The following NEK3 variants were observed in gnomAD, a reference collection of about 807,000 sequenced individuals.
NEK3 encodes NIMA related kinase 3, also known as serine/threonine-protein kinase Nek3.
NEK3 carries 54 observed loss-of-function variants against 66.0 expected under a neutral mutation model. The observed-to-expected ratio is 0.82, with a 90% CI of 0.66 to 1.03. The LOEUF is 1.03. Ranked by LOEUF, NEK3 falls within the 50% of genes least tolerant of loss-of-function variation. The pLI, the probability that NEK3 is intolerant of heterozygous loss-of-function variation, is 0.00. For synonymous variants in NEK3, 200 were observed against 206.2 expected (o/e 0.97, Z 0.26); for missense variants, 593 against 603.0 (o/e 0.98, Z 0.17).
intron 8 of NEK3, among the ~76,000 whole-genome samples, chr13:52,146,018 A>T (rs1180747669): frequency 6.6e-6 from 1 of 152,200 alleles, no homozygotes; most frequent in Non-Finnish European, 1.5e-5. Context: ...GCTGATCTGC[A>T]TATTATGTTT....
chr13:52,149,580 A>T (rs2138205971), intron 7 of NEK3, among the ~76,000 whole-genome samples: 1 of 152,186 alleles, frequency 6.6e-6, no homozygotes, highest in South Asian at 2.1e-4. Context: ...TCCTGAAAAA[A>T]GGTTGCCCGC....
intron 1 of NEK3, among the ~76,000 whole-genome samples, chr13:52,158,224 G>C (rs781114789): frequency 1.3e-5 from 2 of 152,310 alleles, no homozygotes; most frequent in Non-Finnish European, 2.9e-5. Flanking sequence ...AAGGCAGAGA[G>C]AGCATGACAG....
chr13:52,158,546 A>T (rs528428075), intron 1 of NEK3, among the ~76,000 whole-genome samples: 3 of 152,256 alleles, frequency 2.0e-5, no homozygotes, highest in Admixed American at 2.0e-4. Context: ...TGCAATGGAG[A>T]GTAACTGAAA....
chr13:52,137,071 T>C (rs1476559413), intron 11 of NEK3, among the ~76,000 whole-genome samples, 169 bp from the exon 12 acceptor site: 1 of 152,144 alleles, frequency 6.6e-6, no homozygotes, highest in African/African-American at 2.4e-5. Flanking sequence ...TATATATCTA[T>C]ATGTATTTAA....
At chr13:52,153,035 G>C (rs747727093) in intron 4 of NEK3, among the ~76,000 whole-genome samples, 3 of 152,136 alleles carry the variant, frequency 2.0e-5, no homozygotes, top group African/African-American at 7.2e-5. Flanking sequence ...AGCTTTTCTA[G>C]TGTAATCATT....
intron 11 of NEK3, among the ~76,000 whole-genome samples, chr13:52,140,436 G>A (rs1252109779): frequency 5.3e-5 from 8 of 151,878 alleles, no homozygotes; most frequent in Non-Finnish European, 1.2e-4. Flanking sequence ...GTGAAACCCT[G>A]TCTCTACTAA....
chr13:52,147,384 C>T (rs1033939249), intron 8 of NEK3, among the ~76,000 whole-genome samples: 1 of 152,132 alleles, frequency 6.6e-6, no homozygotes, highest in Admixed American at 6.5e-5. Flanking sequence ...AAGTGTCCCT[C>T]AACAGATGAA....
intron 14 of NEK3, among the ~76,000 whole-genome samples, chr13:52,135,148 C>T (rs545020325): frequency 1.7e-4 from 26 of 152,032 alleles, no homozygotes; most frequent in Middle Eastern, 3.4e-3. Context: ...GCCTGGATTC[C>T]TAAGGAGAGT....
intron 8 of NEK3, among the ~76,000 whole-genome samples, chr13:52,147,890 GGA>G (rs1277456113): frequency 2.0e-5 from 3 of 152,154 alleles, no homozygotes; most frequent in Admixed American, 6.6e-5. Context: ...CAGCTACTTG[GGA>G]GGCTGAGGCA....
intron 11 of NEK3, among the ~76,000 whole-genome samples, chr13:52,140,049 C>CAAAAAAAAAAAAAAAAAAAAA (rs34051162): frequency 1.2e-5 from 1 of 86,668 alleles, no homozygotes. Flanking sequence ...AAAAAAATGC[C>CAAAAAAAAAAAAAAAAAAAAA]AAAAAAAAAA....
At chr13:52,149,037 G>A (rs951339034) in intron 7 of NEK3, among the ~76,000 whole-genome samples, 1 of 150,202 alleles carries the variant, frequency 6.7e-6, no homozygotes, top group African/African-American at 2.4e-5. Flanking sequence ...GACTACAGGC[G>A]CCCGCCACCA....
rs759980142 is a variant in NEK3, at chr13:52,136,170, C to G, written c.1120G>C (p.Ala374Pro). ...GTGAGTATGGATGCATTTTCCAAAG[C>G]TGTAAGAGCTGTATTGGGTACATTT... ...EKNVPNTALT[A>P]LENASILTSS... The change falls in exon 13 of 16, where the codon GCT becomes CCT. Residue 374 changes from alanine (A) to proline (P), a missense_variant. Ala to Pro is a conservative substitution (Grantham distance 27, BLOSUM62 -1). Coordinates refer to ENST00000610828, the MANE Select transcript of NEK3 (RefSeq NM_002498.3). 1.3e-5 allele frequency: 21 copies of G among 1,613,658 alleles called. No homozygotes were observed. The highest frequency in any genetic ancestry group is 1.7e-5 in the Non-Finnish European group (20 of 1,179,746).
chr13:52,151,693 T>C (rs1055171735), intron 5 of NEK3, among the ~76,000 whole-genome samples: 1 of 152,182 alleles, frequency 6.6e-6, no homozygotes, highest in African/African-American at 2.4e-5. Context: ...GTGTCAACCG[T>C]TTTCCATCTG....
intron 1 of NEK3, chr13:52,156,456 T>C (rs1956397258): frequency 6.7e-6 from 2 of 299,654 alleles, no homozygotes. Context: ...CTTTTTTGTA[T>C]AAATGCAGGG....
chr13:52,137,588 TA>T (rs1164314558), intron 11 of NEK3, among the ~76,000 whole-genome samples: 2 of 152,296 alleles, frequency 1.3e-5, no homozygotes, highest in African/African-American at 2.4e-5. Flanking sequence ...GTAGGGAACA[TA>T]AAAATCTGTC....
intron 14 of NEK3, among the ~76,000 whole-genome samples, chr13:52,134,507 A>C (rs1956186145): frequency 6.6e-6 from 1 of 152,188 alleles, no homozygotes; most frequent in African/African-American, 2.4e-5. Context: ...AAAAGTAGGG[A>C]ACTGAAGGAA....
intron 11 of NEK3, among the ~76,000 whole-genome samples, chr13:52,138,960 C>T (rs1956227048): frequency 6.6e-6 from 1 of 151,940 alleles, no homozygotes; most frequent in Non-Finnish European, 1.5e-5. Flanking sequence ...GAAAGGTTGA[C>T]TGAAATACTG....
At chr13:52,141,182 A>G in intron 10 of NEK3, 113 bp from the exon 11 acceptor site, 2 of 840,702 alleles carry the variant, frequency 2.4e-6, no homozygotes, top group Non-Finnish European at 3.6e-6. Flanking sequence ...ATTAAAGTCA[A>G]AGAGCCAAAG....
At chr13:52,138,273 C>T (rs1458224551) in intron 11 of NEK3, among the ~76,000 whole-genome samples, 1 of 152,246 alleles carries the variant, frequency 6.6e-6, no homozygotes, top group Non-Finnish European at 1.5e-5. Context: ...GCTCCTGCCT[C>T]TGCCTCCCAG....
Sources: gnomAD v4.1 joint callset for allele counts (sites outside exome capture counted in the v4.1 genomes callset) on GRCh38, gnomAD v4.1.1 for gene constraint, MANE v1.5 for transcripts, NCBI Gene and HGNC (gene_info 2026-07-23, HGNC 2026-07-21) for gene names.